The following CTXND2 variants were observed in gnomAD, a reference collection of about 807,000 sequenced individuals.
CTXND2 encodes the protein cortexin domain containing 2.
intron 1 of CTXND2, among the ~76,000 whole-genome samples, chr1:150,903,445 C>A (rs1669077857): frequency 6.6e-6 from 1 of 151,588 alleles, no homozygotes; most frequent in South Asian, 2.1e-4. Context: ...TGATTTTTAA[C>A]TTTTTTTTAA....
At chr1:150,890,689 G>A (rs1025423217) in intron 1 of CTXND2, among the ~76,000 whole-genome samples, 2 of 151,938 alleles carry the variant, frequency 1.3e-5, no homozygotes, top group Admixed American at 6.6e-5. Flanking sequence ...TTTTAGTAGA[G>A]ACGGGGTTTC....
rs111799716 is a variant in CTXND2 at position 150,895,558 on chromosome 1, G to C, written c.-74+8245G>C. ...GGGCTTTCACTATGTTGACTAGGCT[G>C]GTCTTGAACTCCTGACCTCAAGTGA... is the stretch of plus-strand genomic sequence containing the variant. On this transcript the variant is annotated intron_variant, in intron 1 of 1. Coordinates refer to ENST00000636087, the Ensembl canonical transcript of CTXND2. 8.4e-3 allele frequency among the ~76,000 whole-genome samples: 1,285 copies of C among 152,174 alleles called. 7 individuals are homozygous for C. Among genetic ancestry groups the C allele is most frequent in the Non-Finnish European group, 0.012 (812 of 67,988 alleles).
At chr1:150,907,431 C>T (rs587754586) in intron 1 of CTXND2, among the ~76,000 whole-genome samples, 2 of 152,246 alleles carry the variant, frequency 1.3e-5, no homozygotes, top group South Asian at 4.1e-4. Context: ...ATGCTGGGGG[C>T]GTTTGTGACT....
rs587712582 is a variant in CTXND2 at position 150,900,692 on chromosome 1, T to G, written c.-73-11550T>G. Reference sequence around the variant, plus strand: ...CCCTGACGAATAGTGAGAAAATATTTGCAATATATATTATATATGAAGGGG... The same window carrying G: ...CCCTGACGAATAGTGAGAAAATATTGGCAATATATATTATATATGAAGGGG... On this transcript the variant is annotated intron_variant, in intron 1 of 1. Transcript: ENST00000636087. 2.0e-5 allele frequency among the ~76,000 whole-genome samples: 3 copies of G among 152,142 alleles called. No individual in the cohort carries two copies. In the East Asian group the frequency reaches 5.8e-4, roughly 29 times the overall value.
In CTXND2 at chr1:150,908,932, A is replaced by G. The variant is rs190397794; in HGVS notation, c.-73-3310A>G. ...ACCGTGCCCAGCCCATTTTCTTGATAATAAGCTTCTTAAAGTACAAAAGTT... is the reference window on the plus strand; with the variant it reads ...ACCGTGCCCAGCCCATTTTCTTGATGATAAGCTTCTTAAAGTACAAAAGTT... On this transcript the variant is annotated intron_variant, in intron 1 of 1. Transcript: ENST00000636087. Among the ~76,000 whole-genome samples the G allele has an allele frequency of 8.6e-5, 13 of 151,974 alleles. No individual in the cohort carries two copies. The East Asian group carries it at 2.5e-3, about 30-fold the overall frequency.
chr1:150,912,484 G>T (rs1669273076), exon 2 of CTXND2: 1 of 398,474 alleles, frequency 2.5e-6, no homozygotes, highest in South Asian at 1.3e-4. Context: ...CTGAGCTGAA[G>T]TATAATAAAA....
At chr1:150,898,448 C>T (rs1445159376) in intron 1 of CTXND2, among the ~76,000 whole-genome samples, 1 of 151,980 alleles carries the variant, frequency 6.6e-6, no homozygotes, top group Non-Finnish European at 1.5e-5. Context: ...CATATCTGGC[C>T]CTCAAGATTT....
chr1:150,901,059 C>G (rs1452870187), intron 1 of CTXND2, among the ~76,000 whole-genome samples: 1 of 152,070 alleles, frequency 6.6e-6, no homozygotes, highest in Non-Finnish European at 1.5e-5. Flanking sequence ...CTGCAGTGAG[C>G]CACGATCATG....
At chr1:150,904,251 C>G in intron 1 of CTXND2, 1 of 542,056 alleles carries the variant, frequency 1.8e-6, no homozygotes, top group South Asian at 1.5e-5. Flanking sequence ...AAACAAATGT[C>G]TCATGAATTT....
intron 1 of CTXND2, among the ~76,000 whole-genome samples, chr1:150,897,523 C>T (rs1668927401): frequency 6.6e-6 from 1 of 152,052 alleles, no homozygotes; most frequent in Non-Finnish European, 1.5e-5. Flanking sequence ...GGGGTTTCTC[C>T]ATGTTGCCTA....
chr1:150,898,774 A>G (rs1184767621), intron 1 of CTXND2, among the ~76,000 whole-genome samples: 2 of 146,648 alleles, frequency 1.4e-5, no homozygotes, highest in Non-Finnish European at 3.0e-5. Context: ...AAAAAAAGAA[A>G]GAAAGAAAGG....
At chr1:150,894,933 G>A (rs1275705650) in intron 1 of CTXND2, among the ~76,000 whole-genome samples, 3 of 151,984 alleles carry the variant, frequency 2.0e-5, no homozygotes, top group African/African-American at 7.3e-5. Flanking sequence ...TACTCAGGAG[G>A]CTGACACAGG....
chr1:150,910,319 G>C (rs1415015518), intron 1 of CTXND2, among the ~76,000 whole-genome samples: 1 of 137,950 alleles, frequency 7.2e-6, no homozygotes, highest in African/African-American at 2.6e-5. Flanking sequence ...TAGTAGACAT[G>C]GGGTTTCGCC....
intron 1 of CTXND2, among the ~76,000 whole-genome samples, chr1:150,891,854 A>T (rs1668855450): frequency 6.6e-6 from 1 of 152,078 alleles, no homozygotes. Flanking sequence ...TCTTCAGTAA[A>T]ATCTCCCTTG....
intron 1 of CTXND2, among the ~76,000 whole-genome samples, chr1:150,892,738 C>T (rs1668869311): frequency 6.6e-6 from 1 of 151,944 alleles, no homozygotes; most frequent in Non-Finnish European, 1.5e-5. Context: ...GGGGTTTTAC[C>T]ATGTTGCTCA....
At chr1:150,893,975 CT>C (rs963967571) in intron 1 of CTXND2, among the ~76,000 whole-genome samples, 1 of 129,464 alleles carries the variant, frequency 7.7e-6, no homozygotes, top group Non-Finnish European at 1.7e-5. Flanking sequence ...ATATTAGTAT[CT>C]TTTTTTTCTT....
chr1:150,904,106 A>T, intron 1 of CTXND2: 1 of 664,008 alleles, frequency 1.5e-6, no homozygotes. Context: ...GTATTTGGAA[A>T]ATCCCAAGAA....
At chr1:150,900,334 G>A (rs1446104430) in intron 1 of CTXND2, among the ~76,000 whole-genome samples, 1 of 151,926 alleles carries the variant, frequency 6.6e-6, no homozygotes, top group Non-Finnish European at 1.5e-5. Flanking sequence ...CACTCCTAAA[G>A]TCAAGCAAGA....
chr1:150,889,943 C>T (rs587642817), intron 1 of CTXND2, among the ~76,000 whole-genome samples: 1 of 152,126 alleles, frequency 6.6e-6, no homozygotes, highest in South Asian at 2.1e-4. Flanking sequence ...AAGATATGGC[C>T]CCTGCTCCCA....
Sources: allele counts gnomAD v4.1 joint callset (sites outside exome capture counted in the v4.1 genomes callset), GRCh38; gene constraint gnomAD v4.1.1; transcripts MANE v1.5; gene names NCBI Gene and HGNC (gene_info 2026-07-23, HGNC 2026-07-21).